The following SCN10A variants were observed in gnomAD, a reference collection of about 807,000 sequenced individuals.
SCN10A encodes the protein sodium voltage-gated channel alpha subunit 10, also known as sodium channel protein type 10 subunit alpha.
Under a neutral mutation model 170.7 loss-of-function variants are expected in SCN10A, and 162 were observed. That is an observed-to-expected ratio of 0.95 (90% confidence interval 0.84 to 1.08). SCN10A has a LOEUF of 1.08. Ranked by LOEUF, SCN10A falls within the 50% of genes least tolerant of loss-of-function variation. SCN10A has a pLI of 0.00. For synonymous variants in SCN10A, 985 were observed against 904.6 expected (o/e 1.09, Z -1.59); for missense variants, 2,527 against 2,436.9 (o/e 1.04, Z -0.78).
At chr3:38,786,441 A>T (rs2064203294) in intron 4 of SCN10A, among the ~76,000 whole-genome samples, 1 of 151,990 alleles carries the variant, frequency 6.6e-6, no homozygotes, top group Non-Finnish European at 1.5e-5. Context: ...GAGCACGTGG[A>T]TACAGGGAGG....
At chr3:38,725,404 C>A in intron 17 of SCN10A, 90 bp from the exon 18 acceptor site, 1 of 1,319,486 alleles carries the variant, frequency 7.6e-7, no homozygotes, top group Non-Finnish European at 1.0e-6. Context: ...CACAGGCTGC[C>A]AGAGCCAAGA....
In SCN10A at chr3:38,727,064, G is replaced by C; in HGVS notation, c.2641-12C>G. The C allele has an allele frequency of 6.3e-7, 1 of 1,593,284 alleles. No individual in the cohort carries two copies. The highest frequency in any genetic ancestry group is 2.3e-5 in the East Asian group (1 of 44,292). On this transcript the variant is annotated splice_polypyrimidine_tract_variant and intron_variant, in intron 16 of 27. Coordinates refer to ENST00000449082, the MANE Select transcript of SCN10A (RefSeq NM_006514.4). The stretch of plus-strand genomic sequence containing the variant: ...AACAGGTTAAGCACCTGAAGAGAAG[G>C]AATGGAAGGGAAGATTGATCAATCT...
intron 1 of SCN10A, among the ~76,000 whole-genome samples, chr3:38,807,581 A>T (rs73826370): frequency 0.097 from 14,728 of 152,146 alleles, 837 homozygotes; most frequent in South Asian, 0.19. Flanking sequence ...AGGCTTCTAC[A>T]TACTGGAGGT....
In SCN10A at chr3:38,701,841, G is replaced by A. The variant is rs756133876; in HGVS notation, c.4655C>T (p.Ala1552Val). ...CCACCACGTGGCTGCCCACTTACTC[G>A]CAATGGAGAGAACCACCACAATGAA... Reference protein sequence around the residue: ...FDFIVVVLSIASLIFSAILKS... With the variant: ...FDFIVVVLSIVSLIFSAILKS... Residue 1552 changes from alanine to valine, a missense_variant and splice_region_variant, in exon 27 of 28, where the codon GCG becomes GTG. Transcript: ENST00000449082. 4.4e-5 allele frequency: 71 copies of A among 1,599,510 alleles called. No individual in the cohort carries two copies. The Middle Eastern group carries it at 6.7e-4, about 15-fold the overall frequency.
rs745835571 is a variant in SCN10A at position 38,742,324 on chromosome 3, A to T, written c.2073T>A (p.Pro691=). 6.2e-7 allele frequency: 1 copy of T among 1,613,966 alleles called. No individual in the cohort carries two copies. Residue 691 remains proline, a synonymous_variant, in exon 14 of 28, where the codon CCT becomes CCA. Transcript: ENST00000449082. ...CTATCTGGAGCATGGCTTCGAAGGT[A>T]GGGCTCATGCCATGGTGCTCCATGG... ...FMAMEHHGMS[P]TFEAMLQIGN...
intron 21 of SCN10A, 91 bp from the exon 22 acceptor site, chr3:38,714,171 A>G (rs2063307318): frequency 2.0e-6 from 3 of 1,494,406 alleles, no homozygotes; most frequent in African/African-American, 2.8e-5. Flanking sequence ...CCAGCCTCCC[A>G]TTCCTACACG....
chr3:38,750,493 TAAAG>T (rs927104086), intron 12 of SCN10A, among the ~76,000 whole-genome samples: 6 of 152,348 alleles, frequency 3.9e-5, no homozygotes, highest in African/African-American at 9.6e-5. Context: ...TTAATAAACA[TAAAG>T]AAAGTTTATA....
chr3:38,729,500 G>A (rs1438417173), intron 15 of SCN10A, among the ~76,000 whole-genome samples: 2 of 152,140 alleles, frequency 1.3e-5, no homozygotes, highest in Non-Finnish European at 2.9e-5. Flanking sequence ...AACTCCAGCC[G>A]TGCAGGTGCA....
intron 4 of SCN10A, among the ~76,000 whole-genome samples, chr3:38,785,369 CA>C (rs1559464058): frequency 6.6e-6 from 1 of 152,098 alleles, no homozygotes; most frequent in East Asian, 1.9e-4. Flanking sequence ...TTGACAAAAG[CA>C]AGCAATGGGG....
At chr3:38,807,564 T>C (rs1176270278) in intron 1 of SCN10A, among the ~76,000 whole-genome samples, 1 of 152,138 alleles carries the variant, frequency 6.6e-6, no homozygotes. Context: ...ATATGAGGCT[T>C]CACTGAAGGC....
At position 38,793,978 on chromosome 3, in the gene SCN10A, G is replaced by C. The variant is rs201415200; in HGVS notation, c.33C>G (p.Asn11Lys). Residue 11 changes from asparagine (N) to lysine (K), a missense_variant, in exon 2 of 28, where the codon AAC (asparagine) becomes AAG (lysine). Transcript: ENST00000449082. ...ACTCCGGAGTAAAGCGACGGAAGTTGTTAGTTTCGAGGGATCCAATGGGGA... is the reference window on the plus strand; with the variant it reads ...ACTCCGGAGTAAAGCGACGGAAGTTCTTAGTTTCGAGGGATCCAATGGGGA... MEFPIGSLET[N>K]NFRRFTPESL... 6.2e-7 allele frequency: 1 copy of C among 1,613,976 alleles called. No homozygotes were observed. The highest frequency in any genetic ancestry group is 2.2e-5 in the East Asian group (1 of 44,876).
chr3:38,736,674 A>T (rs2063564069), intron 15 of SCN10A, among the ~76,000 whole-genome samples: 2 of 152,010 alleles, frequency 1.3e-5, no homozygotes, highest in African/African-American at 4.8e-5. Flanking sequence ...GGGCATAATA[A>T]TATTGGTGGG....
intron 3 of SCN10A, among the ~76,000 whole-genome samples, chr3:38,790,071 C>A (rs1245536912): frequency 6.6e-6 from 1 of 151,976 alleles, no homozygotes; most frequent in East Asian, 1.9e-4. Context: ...AAGGAAAATT[C>A]TATTAATTAA....
At chr3:38,757,960 A>G (rs2063828282) in intron 8 of SCN10A, among the ~76,000 whole-genome samples, 1 of 152,212 alleles carries the variant, frequency 6.6e-6, no homozygotes. Context: ...CATCCACCCT[A>G]GCAGAGATGG....
intron 8 of SCN10A, among the ~76,000 whole-genome samples, chr3:38,759,699 T>C (rs1037729050): frequency 6.6e-6 from 1 of 152,236 alleles, no homozygotes; most frequent in Admixed American, 6.5e-5. Context: ...GGAGATTTTA[T>C]ATAAAAATCT....
At chr3:38,813,068 T>C (rs937918084) in intron 1 of SCN10A, among the ~76,000 whole-genome samples, 1 of 152,126 alleles carries the variant, frequency 6.6e-6, no homozygotes, top group African/African-American at 2.4e-5. Flanking sequence ...TACCTGTTAT[T>C]CACAACCTCC....
At chr3:38,737,798 CTCTTTCTTTCTTTCTT>C (rs1166425687) in intron 15 of SCN10A, among the ~76,000 whole-genome samples, 2 of 93,608 alleles carry the variant, frequency 2.1e-5, no homozygotes, top group Admixed American at 1.2e-4. Flanking sequence ...CCCTCCCTTC[CTCTTTCTTTCTTTCTT>C]TCTTTCTTTC....
chr3:38,795,542 A>G (rs62244112), intron 1 of SCN10A, among the ~76,000 whole-genome samples: 42,783 of 151,378 alleles, frequency 0.28, 7,591 homozygotes, highest in Admixed American at 0.41. Flanking sequence ...GTGTACCACT[A>G]TATTGTCCAG....
intron 15 of SCN10A, among the ~76,000 whole-genome samples, chr3:38,736,965 T>G (rs1279236673): frequency 3.0e-5 from 2 of 66,428 alleles, no homozygotes; most frequent in Non-Finnish European, 5.2e-5. Flanking sequence ...AAATGTTCGT[T>G]TTTTTTTTTT....
Sources: allele counts gnomAD v4.1 joint callset (sites outside exome capture counted in the v4.1 genomes callset), GRCh38; gene constraint gnomAD v4.1.1; transcripts MANE v1.5; gene names NCBI Gene and HGNC (gene_info 2026-07-23, HGNC 2026-07-21).